TMEM132C: variants seen among roughly 807,000 people sequenced by gnomAD.
TMEM132C encodes protein phosphatase 1, regulatory subunit 152.
Under a neutral mutation model 61.4 loss-of-function variants are expected in TMEM132C, and 29 were observed. The observed-to-expected ratio is 0.47, with a 90% CI of 0.35 to 0.64. The LOEUF is 0.64. Ranked by LOEUF, TMEM132C falls within the 30% of genes least tolerant of loss-of-function variation. The pLI is 0.00. For missense variants in TMEM132C, 1,408 were observed against 1,476.9 expected (o/e 0.95, Z 0.76); for synonymous variants, 656 against 633.1 (o/e 1.04, Z -0.54).
chr12:128,674,770 C>T (rs1412752579), intron 5 of TMEM132C, among the ~76,000 whole-genome samples: 1 of 152,092 alleles, frequency 6.6e-6, no homozygotes, highest in Non-Finnish European at 1.5e-5. Flanking sequence ...TTTGGTGCAA[C>T]CATCACCCGA....
chr12:128,315,580 G>T (rs76461954), intron 1 of TMEM132C, among the ~76,000 whole-genome samples: 2 of 152,034 alleles, frequency 1.3e-5, no homozygotes, highest in African/African-American at 4.8e-5. Flanking sequence ...AGGAAGGGTC[G>T]GGAGCCTATG....
At chr12:128,377,982 C>G (rs1874253257) in intron 1 of TMEM132C, among the ~76,000 whole-genome samples, 1 of 152,114 alleles carries the variant, frequency 6.6e-6, no homozygotes, top group Non-Finnish European at 1.5e-5. Context: ...GTGTGAGATC[C>G]AGAATCGGTC....
chr12:128,309,300 T>C (rs541017893), intron 1 of TMEM132C, among the ~76,000 whole-genome samples: 3 of 152,308 alleles, frequency 2.0e-5, no homozygotes, highest in East Asian at 3.9e-4. Context: ...TTCTTACGGA[T>C]CCTCAGGACC....
intron 8 of TMEM132C, 45 bp downstream of exon 8, chr12:128,697,460 A>C: frequency 1.3e-6 from 2 of 1,481,862 alleles, no homozygotes; most frequent in South Asian, 1.3e-5. Flanking sequence ...AGGGTCAGCC[A>C]CTGTGCCTGC....
chr12:128,524,869 A>T lies in TMEM132C; in HGVS notation c.975-19088A>T, dbSNP rs949936278. Among the ~76,000 whole-genome samples, 19 of 152,188 alleles carry T rather than the reference A, an allele frequency of 1.2e-4. 1 individual carries two copies. The highest frequency in any genetic ancestry group is 3.4e-4 in the African/African-American group (14 of 41,446). ...TATGATCTTCCCTGATGCCTGCCTG[A>T]TGCTTTCTTATCCCTGCTTTGCCCA... On this transcript the variant is annotated intron_variant, in intron 2 of 8. Coordinates refer to ENST00000435159, the MANE Select transcript of TMEM132C (RefSeq NM_001136103.3).
intron 2 of TMEM132C, among the ~76,000 whole-genome samples, chr12:128,479,425 C>T (rs1871254070): frequency 6.6e-6 from 1 of 152,240 alleles, no homozygotes; most frequent in Non-Finnish European, 1.5e-5. Flanking sequence ...GGCAAGTCAG[C>T]TGCTTTCGCA....
chr12:128,453,026 C>G (rs950190834), intron 2 of TMEM132C, among the ~76,000 whole-genome samples: 1 of 152,172 alleles, frequency 6.6e-6, no homozygotes, highest in South Asian at 2.1e-4. Context: ...ACACACCTGG[C>G]TCTTCCAGGG....
At position 128,447,902 on chromosome 12, in the gene TMEM132C, A is replaced by G. The variant is rs950037734; in HGVS notation, c.974+32282A>G. 1.2e-4 allele frequency among the ~76,000 whole-genome samples: 12 copies of G among 98,684 alleles called. 2 individuals are homozygous for G. The highest frequency in any genetic ancestry group is 2.2e-4 in the Non-Finnish European group (11 of 49,644). 64.7% of individuals were successfully genotyped at this position (98,684 alleles called of 152,430 possible). A position where few individuals can be genotyped will look rare whatever the true frequency, so the allele number is the denominator to read the frequency against. ...CCACCGCGCCCGGCTAATTTTTTGTATTTTTAGTAGAGACGGGGTTTCACC... is the reference window on the plus strand; with the variant it reads ...CCACCGCGCCCGGCTAATTTTTTGTGTTTTTAGTAGAGACGGGGTTTCACC... On this transcript the variant is annotated intron_variant, in intron 2 of 8. Transcript: ENST00000435159.
At chr12:128,381,934 A>G (rs1319953650) in intron 1 of TMEM132C, among the ~76,000 whole-genome samples, 2 of 152,070 alleles carry the variant, frequency 1.3e-5, no homozygotes, top group African/African-American at 2.4e-5. Flanking sequence ...CAAAGGGGAA[A>G]CCGTCTCGGA....
intron 2 of TMEM132C, among the ~76,000 whole-genome samples, chr12:128,449,099 T>C (rs927618702): frequency 1.5e-5 from 2 of 136,634 alleles, no homozygotes; most frequent in Non-Finnish European, 3.0e-5. Context: ...ATCACGCCAC[T>C]GTACTCCAGC....
At chr12:128,659,530 C>T (rs541317636) in intron 4 of TMEM132C, among the ~76,000 whole-genome samples, 5 of 152,324 alleles carry the variant, frequency 3.3e-5, no homozygotes, top group African/African-American at 1.2e-4. Context: ...AAGCAAGACA[C>T]CCTGAGCTCT....
intron 4 of TMEM132C, among the ~76,000 whole-genome samples, chr12:128,649,169 A>G (rs1354308043): frequency 2.6e-5 from 4 of 152,234 alleles, no homozygotes; most frequent in Non-Finnish European, 5.9e-5. Flanking sequence ...ACAACAGACT[A>G]CTGATGGAAT....
intron 3 of TMEM132C, among the ~76,000 whole-genome samples, 164 bp downstream of exon 3, chr12:128,544,267 T>C (rs1379916269): frequency 6.6e-6 from 1 of 152,246 alleles, no homozygotes; most frequent in African/African-American, 2.4e-5. Context: ...CAGGACCCTC[T>C]GCCTCTGCAG....
At chr12:128,340,856 T>TTCCTTCCTTC (rs1872943902) in intron 1 of TMEM132C, among the ~76,000 whole-genome samples, 1 of 147,268 alleles carries the variant, frequency 6.8e-6, no homozygotes, top group African/African-American at 2.6e-5. Context: ...TCTCTTTCTT[T>TTCCTTCCTTC]CTTCCTTCCT....
chr12:128,376,415 T>TA (rs1195133678), intron 1 of TMEM132C, among the ~76,000 whole-genome samples: 1 of 152,128 alleles, frequency 6.6e-6, no homozygotes, highest in Admixed American at 6.5e-5. Flanking sequence ...TTGATAGGTT[T>TA]AAAAAAAGGC....
chr12:128,427,640 C>G (rs1869240942), intron 2 of TMEM132C, among the ~76,000 whole-genome samples: 1 of 152,050 alleles, frequency 6.6e-6, no homozygotes, highest in Admixed American at 6.6e-5. Flanking sequence ...CTCCATCCAG[C>G]TACGTTAGGT....
chr12:128,481,895 T>C (rs556811069), intron 2 of TMEM132C, among the ~76,000 whole-genome samples: 1 of 152,272 alleles, frequency 6.6e-6, no homozygotes, highest in Non-Finnish European at 1.5e-5. Context: ...GCAAAGCTGC[T>C]GAGAAGCCTT....
At chr12:128,356,484 C>T (rs1565910995) in intron 1 of TMEM132C, among the ~76,000 whole-genome samples, 1 of 152,210 alleles carries the variant, frequency 6.6e-6, no homozygotes, top group Non-Finnish European at 1.5e-5. Context: ...ATTGTCTTCT[C>T]AGTTAGGAGG....
At chr12:128,312,591 C>T (rs374132280) in intron 1 of TMEM132C, among the ~76,000 whole-genome samples, 67 of 152,274 alleles carry the variant, frequency 4.4e-4, no homozygotes, top group African/African-American at 1.6e-3. Context: ...GGCGATGTAG[C>T]AATGGAGGCA....
Sources: allele counts gnomAD v4.1 joint callset (sites outside exome capture counted in the v4.1 genomes callset), GRCh38; gene constraint gnomAD v4.1.1; transcripts MANE v1.5; gene names NCBI Gene and HGNC (gene_info 2026-07-23, HGNC 2026-07-21).